The following TRPM8 variants were observed in gnomAD, a reference collection of about 807,000 sequenced individuals.
The protein encoded by TRPM8 is TRPM8 cationic channel.
In TRPM8, 110 loss-of-function variants were observed where a neutral mutation model predicts 133.7. The ratio of observed to expected loss-of-function variants is 0.82; its 90% CI spans 0.70 to 0.96. TRPM8 has a LOEUF of 0.96. Among genes scored for constraint, TRPM8 ranks in the 40% least tolerant of loss-of-function variants. The pLI is 0.00. For synonymous variants in TRPM8, 535 were observed against 532.3 expected, an observed-to-expected ratio of 1.01 and a Z score of -0.07; for missense variants, 1,291 against 1,379.5, an observed-to-expected ratio of 0.94 and a Z score of 1.02.
chr2:233,941,862 G>A (rs540999016), intron 5 of TRPM8, among the ~76,000 whole-genome samples: 1 of 152,086 alleles, frequency 6.6e-6, no homozygotes, highest in African/African-American at 2.4e-5. Context: ...AGCCATCCAA[G>A]GAAGATTCAC....
At chr2:233,950,882 C>T (rs1691157416) in intron 9 of TRPM8, among the ~76,000 whole-genome samples, 1 of 152,210 alleles carries the variant, frequency 6.6e-6, no homozygotes, top group Non-Finnish European at 1.5e-5. Flanking sequence ...AACATTCATA[C>T]CTAACTACTT....
chr2:233,960,724 C>T, intron 11 of TRPM8, 52 bp from the exon 12 acceptor site: 2 of 1,503,224 alleles, frequency 1.3e-6, no homozygotes, highest in Non-Finnish European at 1.8e-6. Flanking sequence ...TAGTGCTTTC[C>T]TTACCATATT....
chr2:233,994,767 C>A (rs1205731785), intron 21 of TRPM8, among the ~76,000 whole-genome samples: 1 of 152,072 alleles, frequency 6.6e-6, no homozygotes, highest in Non-Finnish European at 1.5e-5. Context: ...CATATGTAAT[C>A]GATTTTTCTG....
intron 15 of TRPM8, among the ~76,000 whole-genome samples, chr2:233,967,467 C>T (rs1691604750): frequency 6.6e-6 from 1 of 152,220 alleles, no homozygotes; most frequent in African/African-American, 2.4e-5. Context: ...ATCTTCACAG[C>T]ACCTGTGGGG....
Position 233,955,238 on chromosome 2 carries a change from C to T in TRPM8, c.1350C>T (p.Asp450=), listed in dbSNP as rs200356940. The T allele has an allele frequency of 2.4e-5, 38 of 1,613,630 alleles. No individual in the cohort carries two copies. Among genetic ancestry groups the T allele is most frequent in the Non-Finnish European group, 3.1e-5 (37 of 1,179,686 alleles). Residue 450 remains aspartate, a synonymous_variant, in exon 11 of 26, where the codon GAC becomes GAT. Transcript: ENST00000324695. ...CCAATGATGAGATTTTCACCAATGA[C>T]CGCCGATGGGAGGTAAGCACGAAGC... The part of the protein sequence containing the change: ...DLANDEIFTN[D]RRWESADLQE...
At chr2:234,016,804 C>T (rs1219946673) in intron 25 of TRPM8, among the ~76,000 whole-genome samples, 2 of 152,132 alleles carry the variant, frequency 1.3e-5, no homozygotes, top group Non-Finnish European at 2.9e-5. Flanking sequence ...ATAGACCTTA[C>T]TTTAAGGAAG....
chr2:233,965,475 C>T (rs545541598), intron 14 of TRPM8, among the ~76,000 whole-genome samples: 132 of 152,232 alleles, frequency 8.7e-4, no homozygotes, highest in African/African-American at 2.9e-3. Context: ...ACAGAGGCCT[C>T]GATCATTCAG....
Position 233,939,126 on chromosome 2 carries a change from G to A in TRPM8, c.477G>A (p.Pro159=), listed in dbSNP as rs1690838502. ...GCGCCAAGAACTTCGCCCTGAAGCC[G>A]CGCATGCGCAAGATCTTCAGCCGGC... ...TGGAKNFALK[P]RMRKIFSRLI... The change falls in exon 5 of 26, where the codon CCG becomes CCA. Residue 159 remains proline (P), a synonymous_variant. Transcript: ENST00000324695. The A allele has an allele frequency of 6.2e-7, 1 of 1,614,164 alleles. No homozygotes were observed. The highest frequency in any genetic ancestry group is 1.3e-5 in the African/African-American group (1 of 75,064).
chr2:233,964,551 C>CAAAAA (rs34817253), intron 13 of TRPM8, 77 bp from the exon 14 acceptor site: 156 of 571,588 alleles, frequency 2.7e-4, no homozygotes, highest in African/African-American at 8.2e-4. Flanking sequence ...GACTCCGTCT[C>CAAAAA]AAAAAAAAAA....
At position 233,928,537 on chromosome 2, in the gene TRPM8, G is replaced by C. The variant is rs1239385355; in HGVS notation, c.117+1883G>C. On this transcript the variant is annotated intron_variant, in intron 2 of 25. Coordinates refer to ENST00000324695, the MANE Select transcript of TRPM8 (RefSeq NM_024080.5). Reference sequence around the variant, plus strand: ...TTCTTCCTTGATCATTGATTACACAGATTACACAGCTGTTTTCTTCCTGCC... The same window carrying C: ...TTCTTCCTTGATCATTGATTACACACATTACACAGCTGTTTTCTTCCTGCC... Among the ~76,000 whole-genome samples, 3 of 152,326 alleles carry C rather than the reference G, an allele frequency of 2.0e-5. No individual in the cohort carries two copies. In the East Asian group the frequency reaches 5.8e-4, roughly 29 times the overall value.
chr2:233,947,314 G>T (rs1450185835), intron 8 of TRPM8, 159 bp downstream of exon 8: 4 of 1,545,318 alleles, frequency 2.6e-6, no homozygotes, highest in African/African-American at 1.4e-5. Context: ...ACAGACTCCG[G>T]TTATTCCTCA....
intron 1 of TRPM8, among the ~76,000 whole-genome samples, chr2:233,918,719 A>G (rs1691351179): frequency 6.6e-6 from 1 of 152,188 alleles, no homozygotes; most frequent in African/African-American, 2.4e-5. Flanking sequence ...ACAACAAAAT[A>G]AATCTCAGCT....
intron 22 of TRPM8, among the ~76,000 whole-genome samples, chr2:233,999,852 T>C (rs6723922): frequency 0.52 from 79,698 of 152,054 alleles, 21,862 homozygotes; most frequent in African/African-American, 0.69. Flanking sequence ...ATGCTGAGTA[T>C]ACGGGCTGAA....
chr2:233,929,232 C>T (rs28514310), intron 2 of TRPM8, among the ~76,000 whole-genome samples: 13,891 of 152,012 alleles, frequency 0.091, 1,715 homozygotes, highest in East Asian at 0.34. Flanking sequence ...TGAGTTGAGG[C>T]TTGGTGGGTG....
At chr2:233,991,550 A>G (rs1692278145) in intron 21 of TRPM8, among the ~76,000 whole-genome samples, 2 of 152,206 alleles carry the variant, frequency 1.3e-5, no homozygotes, top group Admixed American at 1.3e-4. Flanking sequence ...CATGAAATCT[A>G]CGCAAAGTTT....
Position 233,983,222 on chromosome 2 carries a change from A to G in TRPM8, c.2759A>G (p.Asp920Gly). The G allele has an allele frequency of 6.2e-7, 1 of 1,614,114 alleles. No individual in the cohort carries two copies. The highest frequency in any genetic ancestry group is 8.5e-7 in the Non-Finnish European group (1 of 1,179,986). Reference protein sequence around the residue: ...AMFGQVPSDVDGTTYDFAHCT... With the variant: ...AMFGQVPSDVGGTTYDFAHCT... Reference sequence around the variant, plus strand: ...TTCGGCCAGGTGCCCAGTGACGTGGATGGTAAGCCTGACTTGGCTCAGATG... The same window carrying G: ...TTCGGCCAGGTGCCCAGTGACGTGGGTGGTAAGCCTGACTTGGCTCAGATG... The change falls in exon 20 of 26, where the codon GAT becomes GGT. Residue 920 changes from aspartate (D) to glycine (G), a missense_variant and splice_region_variant. By Grantham distance (94) the Asp-to-Gly change is moderately conservative. Coordinates refer to ENST00000324695, the MANE Select transcript of TRPM8 (RefSeq NM_024080.5).
intron 8 of TRPM8, among the ~76,000 whole-genome samples, chr2:233,947,905 C>T (rs763987505): frequency 2.0e-5 from 3 of 151,814 alleles, no homozygotes; most frequent in Non-Finnish European, 4.4e-5. Context: ...ATTTTATCAC[C>T]CAGGTAATAA....
At chr2:233,970,557 G>A in intron 17 of TRPM8, 131 bp downstream of exon 17, 1 of 857,560 alleles carries the variant, frequency 1.2e-6, no homozygotes, top group South Asian at 1.5e-5. Flanking sequence ...TTCTCTTTGG[G>A]TGCTAGTCCA....
At chr2:233,955,885 C>T (rs1456275104) in intron 11 of TRPM8, among the ~76,000 whole-genome samples, 3 of 152,146 alleles carry the variant, frequency 2.0e-5, no homozygotes, top group Non-Finnish European at 2.9e-5. Flanking sequence ...GCCTTCAGTC[C>T]GATCAGTGGC....
Sources: allele counts gnomAD v4.1 joint callset (sites outside exome capture counted in the v4.1 genomes callset), GRCh38; gene constraint gnomAD v4.1.1; transcripts MANE v1.5; gene names NCBI Gene and HGNC (gene_info 2026-07-23, HGNC 2026-07-21).